SPDYE3: variants seen among roughly 807,000 people sequenced by gnomAD.
SPDYE3 encodes speedy protein E3.
In SPDYE3, 15 loss-of-function variants were observed where a neutral mutation model predicts 55.0. That is an observed-to-expected ratio of 0.27 (90% CI 0.18 to 0.42). The LOEUF (loss-of-function observed/expected upper bound fraction) is 0.42. SPDYE3 is among the 10% of genes least tolerant of loss of function. The pLI, the probability that SPDYE3 is intolerant of heterozygous loss-of-function variation, is 1.00. For missense variants in SPDYE3, 236 were observed against 576.7 expected, an observed-to-expected ratio of 0.41 and a Z score of 6.05; for synonymous variants, 89 against 229.9, an observed-to-expected ratio of 0.39 and a Z score of 5.55.
rs1320607632 is a variant in SPDYE3 at position 100,321,135 on chromosome 7, C to T, written c.*290C>T. The stretch of plus-strand genomic sequence containing the variant: ...GTGTTTCCAGTTCCACCCTTTCCTG[C>T]GGCACCACCTCCCTTTTTATATTGC... On this transcript the variant is annotated 3_prime_UTR_variant, in exon 11 of 11. Transcript: ENST00000332397. 1.3e-5 allele frequency: 7 copies of T among 530,594 alleles called. No individual in the cohort carries two copies. Among genetic ancestry groups the T allele is most frequent in the African/African-American group, 3.9e-5 (2 of 51,844 alleles). The allele number at this position is 530,594 out of a possible 1,614,324, so 32.9% of individuals were successfully genotyped here.
intron 8 of SPDYE3, among the ~76,000 whole-genome samples, 195 bp downstream of exon 8, chr7:100,317,350 A>C (rs548092981): frequency 6.6e-6 from 1 of 152,340 alleles, no homozygotes; most frequent in East Asian, 1.9e-4. Context: ...TCAGGCCTGT[A>C]ATCCCAGCAC....
chr7:100,317,578 C>T (rs866125138), intron 8 of SPDYE3, among the ~76,000 whole-genome samples: 61 of 150,904 alleles, frequency 4.0e-4, no homozygotes, highest in African/African-American at 1.4e-3. Flanking sequence ...GCACTCCAGC[C>T]TGGGCAACAG....
chr7:100,320,198 C>A, intron 10 of SPDYE3, 163 bp downstream of exon 10: 1 of 1,377,816 alleles, frequency 7.3e-7, no homozygotes, highest in Non-Finnish European at 9.7e-7. Context: ...GGCATCTCTA[C>A]TCCCAACTAC....
intron 10 of SPDYE3, chr7:100,320,685 T>C: frequency 1.9e-6 from 2 of 1,073,334 alleles, no homozygotes; most frequent in Non-Finnish European, 2.4e-6. Context: ...CTTGGGTGTA[T>C]TAAGTTTTGG....
At position 100,319,600 on chromosome 7, in the gene SPDYE3, C is replaced by T. The variant is rs1585001435; in HGVS notation, c.1382C>T (p.Ala461Val). The change falls in exon 9 of 11, where the codon GCC becomes GTC. Residue 461 changes from alanine to valine, a missense_variant. Ala to Val is a moderately conservative substitution (Grantham distance 64). Transcript: ENST00000332397. ...LANDMEEDDE[A>V]PKQKIFYFLY... ...AATGACATGGAGGAGGACGACGAGG[C>T]CCCCAAACAAAAGATCTTCTACTTC... 1 of 1,614,204 alleles carries T rather than the reference C, an allele frequency of 6.2e-7. No individual in the cohort carries two copies.
At position 100,321,912 on chromosome 7, in the gene SPDYE3, AT is replaced by A. The variant is rs1230822091; in HGVS notation, c.*1071del. 1 of 149,406 alleles carries A rather than the reference AT, an allele frequency of 6.7e-6. No individual in the cohort carries two copies. Among genetic ancestry groups the A allele is most frequent in the Non-Finnish European group, 1.5e-5 (1 of 67,422 alleles). 9.3% of individuals were successfully genotyped at this position (149,406 alleles called of 1,614,324 possible). A position where few individuals can be genotyped will look rare whatever the true frequency, so the allele number is the denominator to read the frequency against. Reference sequence around the variant, plus strand: ...TATTACTTTAAATATTATTTTAAATATTTTGGAAATACTGGTATTTTTGAAT... The same window carrying A: ...TATTACTTTAAATATTATTTTAAATATTTGGAAATACTGGTATTTTTGAAT... On this transcript the variant is annotated 3_prime_UTR_variant, in exon 11 of 11. Coordinates refer to ENST00000332397, the MANE Select transcript of SPDYE3 (RefSeq NM_001004351.5).
In SPDYE3 at chr7:100,310,346, GT is replaced by G. The variant is rs1474827818; in HGVS notation, c.326-11del. ...TGCAGAAGCATTACACGGTGGCCTG[GT>G]TTCTTTACTCAGCCCCTGGGGTAGA... On this transcript the variant is annotated splice_polypyrimidine_tract_variant and intron_variant, in intron 2 of 10. Coordinates refer to ENST00000332397, the MANE Select transcript of SPDYE3 (RefSeq NM_001004351.5). 1 of 574,558 alleles carries G rather than the reference GT, an allele frequency of 1.7e-6. No individual in the cohort carries two copies. The highest frequency in any genetic ancestry group is 2.2e-5 in the African/African-American group (1 of 44,662). The allele number at this position is 574,558 out of a possible 1,614,324, so 35.6% of individuals were successfully genotyped here.
intron 3 of SPDYE3, 92 bp from the exon 4 acceptor site, chr7:100,311,657 TG>T: frequency 1.2e-6 from 1 of 826,094 alleles, no homozygotes; most frequent in Non-Finnish European, 1.8e-6. Flanking sequence ...TCTGAGAGGC[TG>T]GGGAGGATGG....
chr7:100,319,026 T>A (rs1789511449), intron 8 of SPDYE3, among the ~76,000 whole-genome samples: 1 of 151,740 alleles, frequency 6.6e-6, no homozygotes, highest in South Asian at 2.1e-4. Flanking sequence ...ATTCTTATGC[T>A]TCAGCCTCTT....
chr7:100,307,759 A>G lies in SPDYE3; in HGVS notation c.-127A>G, dbSNP rs1176339034. On this transcript the variant is annotated 5_prime_UTR_variant, in exon 1 of 11. Coordinates refer to ENST00000332397, the MANE Select transcript of SPDYE3 (RefSeq NM_001004351.5). ...CAGTAACTTCTCAGAGCTGTTCTCC[A>G]CTCCTGACTTCTCCCAGCCTCGAGA... is the stretch of plus-strand genomic sequence containing the variant. The G allele has an allele frequency of 9.2e-6, 13 of 1,415,886 alleles. No individual in the cohort carries two copies. The highest frequency in any genetic ancestry group is 1.2e-5 in the Non-Finnish European group (13 of 1,070,296). 87.7% of individuals were successfully genotyped at this position (1,415,886 alleles called of 1,614,324 possible).
intron 10 of SPDYE3, chr7:100,320,237 G>A (rs1789550847): frequency 8.8e-5 from 110 of 1,244,276 alleles, no homozygotes; most frequent in Non-Finnish European, 1.1e-4. Flanking sequence ...AGGATCGCTG[G>A]AGCCTGGGAG....
At chr7:100,317,261 A>G (rs1806125863) in intron 8 of SPDYE3, 106 bp downstream of exon 8, 6 of 1,322,662 alleles carry the variant, frequency 4.5e-6, no homozygotes, top group African/African-American at 2.9e-5. Context: ...TGTCCTCTTT[A>G]CTCTGTGTAC....
At chr7:100,315,227 C>G (rs1806071752) in intron 6 of SPDYE3, among the ~76,000 whole-genome samples, 1 of 151,958 alleles carries the variant, frequency 6.6e-6, no homozygotes, top group Non-Finnish European at 1.5e-5. Context: ...TGCAGTGAGC[C>G]AAGATCAGGC....
chr7:100,319,882 G>T (rs1352902934), intron 9 of SPDYE3, 49 bp from the exon 10 acceptor site: 1 of 1,613,326 alleles, frequency 6.2e-7, no homozygotes, highest in Non-Finnish European at 8.5e-7. Flanking sequence ...GGGGAGAGAG[G>T]GGTATCCTGG....
At chr7:100,309,715 T>A in intron 2 of SPDYE3, among the ~76,000 whole-genome samples, 1 of 107,256 alleles carries the variant, frequency 9.3e-6, no homozygotes. Flanking sequence ...AGTGAGACGC[T>A]GTCTCAAAAA....
intron 10 of SPDYE3, 177 bp from the exon 11 acceptor site, chr7:100,320,714 G>A (rs1377512595): frequency 2.8e-6 from 3 of 1,083,816 alleles, no homozygotes; most frequent in Non-Finnish European, 3.5e-6. Context: ...TCACCAAAGC[G>A]TGAGTTTCAC....
chr7:100,320,681 T>G, intron 10 of SPDYE3: 1 of 1,064,542 alleles, frequency 9.4e-7, no homozygotes, highest in Non-Finnish European at 1.2e-6. Context: ...TGACCTTGGG[T>G]GTATTAAGTT....
Position 100,308,662 on chromosome 7 carries a change from T to C in SPDYE3, c.107-312T>C, listed in dbSNP as rs552560091. On this transcript the variant is annotated intron_variant, in intron 1 of 10. Transcript: ENST00000332397. ...AGATGGATGTTGCAGTGAGCTGAGATTGTACCACTACACTCCAGCCTGGGT... is the reference window on the plus strand; with the variant it reads ...AGATGGATGTTGCAGTGAGCTGAGACTGTACCACTACACTCCAGCCTGGGT... Among the ~76,000 whole-genome samples the C allele has an allele frequency of 5.9e-5, 9 of 151,402 alleles. No homozygotes were observed. In the East Asian group the frequency reaches 1.7e-3, roughly 29 times the overall value.
intron 10 of SPDYE3, 95 bp from the exon 11 acceptor site, chr7:100,320,796 T>A (rs148780278): frequency 1.9e-4 from 209 of 1,079,606 alleles, no homozygotes; most frequent in South Asian, 4.9e-4. Flanking sequence ...TCTCAATTGC[T>A]CTGAACTCTA....
Sources: gnomAD v4.1 joint callset for allele counts (sites outside exome capture counted in the v4.1 genomes callset) on GRCh38, gnomAD v4.1.1 for gene constraint, MANE v1.5 for transcripts, NCBI Gene and HGNC (gene_info 2026-07-23, HGNC 2026-07-21) for gene names.